Variants in CEACAM1 observed in about 807,000 individuals in gnomAD.
The protein encoded by CEACAM1 is cell adhesion molecule CEACAM1.
A neutral mutation model predicts 49.1 loss-of-function variants in CEACAM1; 31 were observed. The observed-to-expected ratio is 0.63, with a 90% confidence interval of 0.47 to 0.85. The LOEUF is 0.85. Ranked by LOEUF, CEACAM1 falls within the 40% of genes least tolerant of loss-of-function variation. The pLI, the probability that CEACAM1 is intolerant of heterozygous loss-of-function variation, is 0.00. For missense variants in CEACAM1, 570 were observed against 645.3 expected, an observed-to-expected ratio of 0.88 and a Z score of 1.26; for synonymous variants, 244 against 247.8, an observed-to-expected ratio of 0.98 and a Z score of 0.14.
chr19:42,522,520 G>C (rs2041780768), intron 2 of CEACAM1, among the ~76,000 whole-genome samples: 1 of 151,718 alleles, frequency 6.6e-6, no homozygotes, highest in Non-Finnish European at 1.5e-5. Flanking sequence ...AAAGTGCTGG[G>C]ATTACAGGCC....
intron 2 of CEACAM1, among the ~76,000 whole-genome samples, chr19:42,523,653 T>C (rs1469013883): frequency 6.6e-6 from 1 of 152,250 alleles, no homozygotes; most frequent in African/African-American, 2.4e-5. Context: ...GCTGAAAGCC[T>C]GACCCTCATG....
At chr19:42,522,272 C>CTTAT (rs910504810) in intron 2 of CEACAM1, 70 bp from the exon 3 acceptor site, 1 of 1,567,756 alleles carries the variant, frequency 6.4e-7, no homozygotes, top group Non-Finnish European at 8.6e-7. Context: ...TTTTTCTTTT[C>CTTAT]TTATTTATTT....
rs756037744 is a variant in CEACAM1 at position 42,521,441 on chromosome 19, C to T, written c.784G>A (p.Ala262Thr). Residue 262 changes from alanine to threonine, a missense_variant, in exon 4 of 9, where the codon GCC (alanine) becomes ACC (threonine). By Grantham distance (58) the Ala-to-Thr change is moderately conservative. Transcript: ENST00000161559. ...GANLSLSCYA[A>T]SNPPAQYSWL... Reference sequence around the variant, plus strand: ...GAGTACTGTGCAGGTGGGTTAGAGGCTGCATAGCAGGAGAGGCTGAGGTTT... The same window carrying T: ...GAGTACTGTGCAGGTGGGTTAGAGGTTGCATAGCAGGAGAGGCTGAGGTTT... 45 of 1,614,158 alleles carry T rather than the reference C, an allele frequency of 2.8e-5. No individual in the cohort carries two copies. Among genetic ancestry groups the T allele is most frequent in the Middle Eastern group, 1.6e-4 (1 of 6,062 alleles).
chr19:42,514,771 A>T (rs2041556910), intron 5 of CEACAM1, among the ~76,000 whole-genome samples: 1 of 152,184 alleles, frequency 6.6e-6, no homozygotes, highest in African/African-American at 2.4e-5. Context: ...TTTCCATTTT[A>T]AACATGAAAA....
chr19:42,509,149 G>T lies in CEACAM1; in HGVS notation c.1541C>A (p.Thr514Lys). The T allele has an allele frequency of 6.2e-7, 1 of 1,614,174 alleles. No individual in the cohort carries two copies. The highest frequency in any genetic ancestry group is 8.5e-7 in the Non-Finnish European group (1 of 1,180,010). The change falls in exon 9 of 9, where the codon ACA becomes AAA. Residue 514 changes from threonine to lysine, a missense_variant. Coordinates refer to ENST00000161559, the MANE Select transcript of CEACAM1 (RefSeq NM_001712.5). Reference protein sequence around the residue: ...TQPTSASPSLTATEIIYSEVK... With the variant: ...TQPTSASPSLKATEIIYSEVK... ...TTCTGAATAAATTATTTCTGTGGCT[G>T]TTAGGGATGGGGAGGCTGAAGTTGG... is the stretch of plus-strand genomic sequence containing the variant.
rs545522713 is a variant in CEACAM1, at chr19:42,522,388, C to A, written c.425-186G>T. Among the ~76,000 whole-genome samples, 4 of 152,270 alleles carry A rather than the reference C, an allele frequency of 2.6e-5. No individual in the cohort carries two copies. In the South Asian group the frequency reaches 8.3e-4, roughly 32 times the overall value. ...CTCCTGGATTCAAGCAATTCTCCTG[C>A]CTCAGCTTCCTGAGTAGCTGGGATT... On this transcript the variant is annotated intron_variant, in intron 2 of 8. Transcript: ENST00000161559.
In CEACAM1 at chr19:42,508,983, A is replaced by G. The variant is rs756373725; in HGVS notation, c.*126T>C. 4.5e-6 allele frequency: 5 copies of G among 1,114,666 alleles called. No homozygotes were observed. The highest frequency in any genetic ancestry group is 6.5e-6 in the Non-Finnish European group (5 of 766,254). 69.0% of individuals were successfully genotyped at this position (1,114,666 alleles called of 1,614,324 possible). On this transcript the variant is annotated 3_prime_UTR_variant, in exon 9 of 9. Coordinates refer to ENST00000161559, the MANE Select transcript of CEACAM1 (RefSeq NM_001712.5). ...AGGCAGCCTGGAGATGCCTATTAGGAAGGAAGAGTAGGAGAAAGTTGTTTC... is the reference window on the plus strand; with the variant it reads ...AGGCAGCCTGGAGATGCCTATTAGGGAGGAAGAGTAGGAGAAAGTTGTTTC...
In CEACAM1 at chr19:42,519,130, A is replaced by AT; in HGVS notation, c.1063dup (p.Ile355AsnfsTer43). On this transcript the variant is annotated frameshift_variant, in exon 5 of 9. Coordinates refer to ENST00000161559, the MANE Select transcript of CEACAM1 (RefSeq NM_001712.5). LOFTEE classifies it high-confidence loss of function. ...GTTTTTGAAGAACCAACGGATGGAG[A>AT]TTCCAGTGTCATTTGTGGAGCAGGT... 6.2e-7 allele frequency: 1 copy of AT among 1,614,098 alleles called. No individual in the cohort carries two copies. The highest frequency in any genetic ancestry group is 8.5e-7 in the Non-Finnish European group (1 of 1,180,012).
Position 42,528,390 on chromosome 19 carries a change from C to T in CEACAM1, c.-16G>A. 1.2e-6 allele frequency: 2 copies of T among 1,613,736 alleles called. No homozygotes were observed. Among genetic ancestry groups the T allele is most frequent in the South Asian group, 2.2e-5 (2 of 91,074 alleles). On this transcript the variant is annotated 5_prime_UTR_variant, in exon 1 of 9. Coordinates refer to ENST00000161559, the MANE Select transcript of CEACAM1 (RefSeq NM_001712.5). Reference sequence around the variant, plus strand: ...GGTGCCCCATGGTGTCTCCTGCTGGCCCTGTCTTCACCTGTGGAGGAGAGC... The same window carrying T: ...GGTGCCCCATGGTGTCTCCTGCTGGTCCTGTCTTCACCTGTGGAGGAGAGC...
At position 42,525,067 on chromosome 19, in the gene CEACAM1, G is replaced by A. The variant is rs567285315; in HGVS notation, c.424+1974C>T. On this transcript the variant is annotated intron_variant, in intron 2 of 8. Coordinates refer to ENST00000161559, the MANE Select transcript of CEACAM1 (RefSeq NM_001712.5). ...TTCGTGAGAGAACTACTGAGTGTGT[G>A]TTTCATATTGGGCCCTGGCTGGTGC... Among the ~76,000 whole-genome samples, 4 of 152,158 alleles carry A rather than the reference G, an allele frequency of 2.6e-5. No individual in the cohort carries two copies. In the East Asian group the frequency reaches 7.7e-4, roughly 29 times the overall value.
intron 5 of CEACAM1, chr19:42,518,496 CTTTT>C (rs71167399): frequency 1.8e-4 from 25 of 136,200 alleles, no homozygotes; most frequent in South Asian, 7.5e-4. Flanking sequence ...AGCCTGAGCT[CTTTT>C]TTTTTTTTTT....
chr19:42,509,221 T>A lies in CEACAM1; in HGVS notation c.1469A>T (p.Glu490Val). The A allele has an allele frequency of 6.2e-7, 1 of 1,609,236 alleles. No homozygotes were observed. ...HSNDPPNKMNEVTYSTLNFEA... is the reference protein window; with the variant it reads ...HSNDPPNKMNVVTYSTLNFEA... ...AAAGTTCAGGGTAGAATAAGTAACT[T>A]CATTCATCTGAAAAGCACAAATAAT... Residue 490 changes from glutamate to valine, a missense_variant, in exon 9 of 9, where the codon GAA becomes GTA. Coordinates refer to ENST00000161559, the MANE Select transcript of CEACAM1 (RefSeq NM_001712.5).
chr19:42,514,087 C>T (rs1409929688), intron 5 of CEACAM1, among the ~76,000 whole-genome samples: 1 of 146,796 alleles, frequency 6.8e-6, no homozygotes, highest in Non-Finnish European at 1.5e-5. Context: ...TCCTCAGTAG[C>T]TGAGACTATA....
At chr19:42,510,737 A>AGACT in intron 8 of CEACAM1, 152 bp downstream of exon 8, 1 of 704,752 alleles carries the variant, frequency 1.4e-6, no homozygotes, top group South Asian at 1.6e-5. Flanking sequence ...GCTGCAAAGT[A>AGACT]GACTCATGGG....
At chr19:42,528,171 C>G (rs2041941566) in intron 1 of CEACAM1, 140 bp downstream of exon 1, 3 of 651,870 alleles carry the variant, frequency 4.6e-6, no homozygotes, top group Non-Finnish European at 8.0e-6. Flanking sequence ...TTTATGATCT[C>G]TATCCCTTTC....
At position 42,521,496 on chromosome 19, in the gene CEACAM1, G is replaced by A. The variant is rs753696043; in HGVS notation, c.729C>T (p.Ser243=). ...CTGGACGGTAATAGGTGTCTGAAGG[G>A]GAAATGGTGGGGGTGTCCGGGCCAT... ...VTYGPDTPTI[S]PSDTYYRPGA... is the part of the protein sequence containing the mutation. Residue 243 remains serine (S), a synonymous_variant, in exon 4 of 9, where the codon TCC becomes TCT. Coordinates refer to ENST00000161559, the MANE Select transcript of CEACAM1 (RefSeq NM_001712.5). The A allele has an allele frequency of 1.2e-6, 2 of 1,614,082 alleles. No homozygotes were observed. Among genetic ancestry groups the A allele is most frequent in the Non-Finnish European group, 1.7e-6 (2 of 1,179,978 alleles).
chr19:42,519,745 A>G (rs1336322559), intron 4 of CEACAM1, among the ~76,000 whole-genome samples: 1 of 151,562 alleles, frequency 6.6e-6, no homozygotes, highest in Non-Finnish European at 1.5e-5. Flanking sequence ...AATTTTTTGT[A>G]TTTTTAGTAG....
At chr19:42,526,372 TC>T (rs2041890953) in intron 2 of CEACAM1, among the ~76,000 whole-genome samples, 2 of 152,254 alleles carry the variant, frequency 1.3e-5, no homozygotes, top group African/African-American at 4.8e-5. Flanking sequence ...ATGGTAAACT[TC>T]CTATGGCATC....
At position 42,519,036 on chromosome 19, in the gene CEACAM1, G is replaced by C; in HGVS notation, c.1158C>G (p.Val386=). The change falls in exon 5 of 9, where the codon GTC becomes GTG. Residue 386 remains valine, a synonymous_variant. Coordinates refer to ENST00000161559, the MANE Select transcript of CEACAM1 (RefSeq NM_001712.5). ...AATACGTCCCAGCATCCTCCCTCTT[G>C]ACAGGGTTTATGCTGAGGGTGGTGT... ...QGNTTLSINP[V]KREDAGTYWC... is the part of the protein sequence containing the mutation. 1 of 1,613,466 alleles carries C rather than the reference G, an allele frequency of 6.2e-7. No homozygotes were observed. The highest frequency in any genetic ancestry group is 1.1e-5 in the South Asian group (1 of 91,078).
Sources: allele counts gnomAD v4.1 joint callset (sites outside exome capture counted in the v4.1 genomes callset), GRCh38; gene constraint gnomAD v4.1.1; transcripts MANE v1.5; gene names NCBI Gene and HGNC (gene_info 2026-07-23, HGNC 2026-07-21).